VDAC1: variants seen among roughly 807,000 people sequenced by gnomAD.
The protein encoded by VDAC1 is voltage dependent anion channel 1, also known as non-selective voltage-gated ion channel VDAC1.
A neutral mutation model predicts 34.7 loss-of-function variants in VDAC1; 10 were observed. The ratio of observed to expected loss-of-function variants is 0.29; its 90% CI spans 0.18 to 0.49. The LOEUF is 0.49. Among genes scored for constraint, VDAC1 ranks in the 20% least tolerant of loss-of-function variants. The pLI is 0.99. For missense variants in VDAC1, 230 were observed against 347.9 expected, an observed-to-expected ratio of 0.66 and a Z score of 2.69; for synonymous variants, 130 against 136.0, an observed-to-expected ratio of 0.96 and a Z score of 0.30.
chr5:134,023,480 T>TAAAA, the VDAC1 span, among the ~76,000 whole-genome samples: 56 of 135,240 alleles, frequency 4.1e-4, 2 homozygotes, highest in Admixed American at 5.2e-4. Context: ...GAACTTAAAG[T>TAAAA]AAAAAAAAAA....
intron 1 of VDAC1, among the ~76,000 whole-genome samples, chr5:134,004,073 G>T (rs1753663532): frequency 6.6e-6 from 1 of 152,332 alleles, no homozygotes; most frequent in African/African-American, 2.4e-5. Flanking sequence ...GGCGCGTTCC[G>T]CTCTAGAAGG....
At chr5:134,057,681 C>T in the VDAC1 span, among the ~76,000 whole-genome samples, 1 of 147,194 alleles carries the variant, frequency 6.8e-6, no homozygotes, top group Non-Finnish European at 1.5e-5. Flanking sequence ...AAGAGCGAAA[C>T]TCCATCTGAA....
the VDAC1 span, among the ~76,000 whole-genome samples, chr5:134,051,708 TG>T: frequency 2.0e-5 from 3 of 152,078 alleles, no homozygotes; most frequent in Admixed American, 1.3e-4. Context: ...TTTGTTTTTT[TG>T]TTTTTTTGAG....
chr5:134,057,377 G>T, the VDAC1 span, among the ~76,000 whole-genome samples: 5 of 152,130 alleles, frequency 3.3e-5, no homozygotes, highest in Non-Finnish European at 7.3e-5. Context: ...CTACTTGGGA[G>T]GCTGAGCCCG....
chr5:133,992,502 C>T (rs887684755), intron 2 of VDAC1, 147 bp from the exon 3 acceptor site: 5 of 519,408 alleles, frequency 9.6e-6, no homozygotes, highest in African/African-American at 5.9e-5. Flanking sequence ...TGCTGCTGCT[C>T]GTGGGGGGAG....
chr5:134,107,538 C>T, the VDAC1 span, among the ~76,000 whole-genome samples: 6 of 152,224 alleles, frequency 3.9e-5, no homozygotes, highest in African/African-American at 1.4e-4. Context: ...TCAGGCTGAA[C>T]GTCCTGGCAG....
At chr5:134,099,009 G>A in the VDAC1 span, among the ~76,000 whole-genome samples, 17 of 152,188 alleles carry the variant, frequency 1.1e-4, no homozygotes, top group East Asian at 1.9e-4. Context: ...GAGACCAGGC[G>A]CCGCTGGGGC....
At chr5:133,981,301 A>G (rs1438595181) in intron 5 of VDAC1, among the ~76,000 whole-genome samples, 2 of 152,228 alleles carry the variant, frequency 1.3e-5, no homozygotes, top group African/African-American at 4.8e-5. Flanking sequence ...GTAATTATGA[A>G]ACAGATGCAT....
chr5:134,065,324 G>GGTTTTA, the VDAC1 span, among the ~76,000 whole-genome samples: 1 of 140,624 alleles, frequency 7.1e-6, no homozygotes, highest in Admixed American at 7.4e-5. Context: ...CTATCTCTTT[G>GGTTTTA]GTTTTAATTT....
At chr5:134,078,516 C>T in the VDAC1 span, among the ~76,000 whole-genome samples, 2 of 152,164 alleles carry the variant, frequency 1.3e-5, no homozygotes, top group Non-Finnish European at 2.9e-5. Flanking sequence ...AGAGAGCACA[C>T]TGGGGAGCAA....
the VDAC1 span, among the ~76,000 whole-genome samples, chr5:134,091,901 C>T: frequency 6.6e-6 from 1 of 152,264 alleles, no homozygotes; most frequent in Non-Finnish European, 1.5e-5. Context: ...GCAGGCTGCA[C>T]TGAGCCTTCA....
chr5:134,097,461 C>A, the VDAC1 span, among the ~76,000 whole-genome samples: 1 of 152,196 alleles, frequency 6.6e-6, no homozygotes, highest in Non-Finnish European at 1.5e-5. Flanking sequence ...AGAACTTCAT[C>A]CAGAACAGCC....
intron 1 of VDAC1, chr5:134,004,506 C>G (rs1399229899): frequency 6.5e-6 from 1 of 153,138 alleles, no homozygotes; most frequent in Non-Finnish European, 1.4e-5. Context: ...CCGCGCCGGC[C>G]GCTCGCGATC....
the VDAC1 span, among the ~76,000 whole-genome samples, chr5:134,094,164 C>T: frequency 1.3e-5 from 2 of 152,240 alleles, no homozygotes; most frequent in African/African-American, 4.8e-5. Context: ...CTCATCCAAG[C>T]AAGCACGAAG....
the VDAC1 span, among the ~76,000 whole-genome samples, chr5:134,069,138 T>C: frequency 1.3e-5 from 2 of 152,038 alleles, no homozygotes; most frequent in Non-Finnish European, 2.9e-5. Context: ...AAAAAATGAA[T>C]GTTAAAGAAA....
At chr5:134,006,583 A>G (rs1223262226), upstream of VDAC1, among the ~76,000 whole-genome samples, 3 of 151,868 alleles carry the variant, frequency 2.0e-5, no homozygotes, top group Non-Finnish European at 4.4e-5. Context: ...TCTCTACTAA[A>G]AATACAAAAA....
chr5:134,063,645 T>G, the VDAC1 span, among the ~76,000 whole-genome samples: 1 of 152,108 alleles, frequency 6.6e-6, no homozygotes, highest in Non-Finnish European at 1.5e-5. Flanking sequence ...CAGCACCAAC[T>G]GCTAGACACG....
the VDAC1 span, among the ~76,000 whole-genome samples, chr5:134,036,065 G>GGAAT: frequency 6.6e-6 from 1 of 151,348 alleles, no homozygotes; most frequent in Non-Finnish European, 1.5e-5. Flanking sequence ...GTTGCAGGCA[G>GGAAT]GAATCATCAA....
At chr5:134,084,286 T>C in the VDAC1 span, among the ~76,000 whole-genome samples, 2 of 152,146 alleles carry the variant, frequency 1.3e-5, no homozygotes, top group South Asian at 2.1e-4. Context: ...GGAGTATTGA[T>C]TCCAGGGCCT....
Sources: gnomAD v4.1 joint callset for allele counts (sites outside exome capture counted in the v4.1 genomes callset) on GRCh38, gnomAD v4.1.1 for gene constraint, MANE v1.5 for transcripts, NCBI Gene and HGNC (gene_info 2026-07-23, HGNC 2026-07-21) for gene names.